Variants in RFX3 observed in about 807,000 individuals in gnomAD.
RFX3 encodes the protein transcription factor RFX3.
Under a neutral mutation model 98.6 loss-of-function variants are expected in RFX3, and 14 were observed. That is an observed-to-expected ratio of 0.14 (90% confidence interval 0.09 to 0.22). RFX3 has a LOEUF of 0.22. Ranked by LOEUF, RFX3 falls within the 10% of genes least tolerant of loss-of-function variation. The pLI is 1.00. For missense variants in RFX3, 639 were observed against 926.9 expected, an observed-to-expected ratio of 0.69 and a Z score of 4.03; for synonymous variants, 383 against 328.4, an observed-to-expected ratio of 1.17 and a Z score of -1.80.
chr9:3,352,646 C>T (rs1009424654), intron 2 of RFX3, among the ~76,000 whole-genome samples: 2 of 151,956 alleles, frequency 1.3e-5, no homozygotes, highest in Non-Finnish European at 2.9e-5. Flanking sequence ...ACGGGAAATG[C>T]CCTGCCACAT....
intron 15 of RFX3, among the ~76,000 whole-genome samples, chr9:3,245,264 T>C (rs1820509636): frequency 6.6e-6 from 1 of 152,128 alleles, no homozygotes; most frequent in Non-Finnish European, 1.5e-5. Flanking sequence ...AGAATGGGCA[T>C]GGGGAGATGG....
At chr9:3,423,778 C>CATATACATATAT (rs1491553405) in intron 1 of RFX3, among the ~76,000 whole-genome samples, 4 of 111,056 alleles carry the variant, frequency 3.6e-5, no homozygotes, top group African/African-American at 1.3e-4. Flanking sequence ...TATATATTTT[C>CATATACATATAT]ATATATATAT....
intron 4 of RFX3, among the ~76,000 whole-genome samples, chr9:3,325,802 A>C (rs1831844707): frequency 6.6e-6 from 1 of 152,162 alleles, no homozygotes; most frequent in Admixed American, 6.5e-5. Flanking sequence ...TTCAGGTTCC[A>C]AAACTCTAAA....
chr9:3,473,299 A>C (rs1848945921), intron 1 of RFX3, among the ~76,000 whole-genome samples: 1 of 152,196 alleles, frequency 6.6e-6, no homozygotes, highest in South Asian at 2.1e-4. Flanking sequence ...TTGGTGTCAT[A>C]ATAACAGGCA....
At chr9:3,424,239 G>T (rs1843739516) in intron 1 of RFX3, among the ~76,000 whole-genome samples, 1 of 149,816 alleles carries the variant, frequency 6.7e-6, no homozygotes, top group African/African-American at 2.5e-5. Flanking sequence ...TCACCTCAAT[G>T]AGAAAAAAAT....
chr9:3,408,610 T>TCA (rs1467668848), intron 1 of RFX3, among the ~76,000 whole-genome samples: 24 of 150,606 alleles, frequency 1.6e-4, no homozygotes, highest in African/African-American at 5.4e-4. Flanking sequence ...TCTCTCTCTC[T>TCA]CTCACACACA....
intron 5 of RFX3, among the ~76,000 whole-genome samples, chr9:3,298,388 A>G (rs577838394): frequency 9.9e-5 from 15 of 151,988 alleles, no homozygotes; most frequent in African/African-American, 3.6e-4. Context: ...AAACAATACA[A>G]TAAATGTACA....
At chr9:3,321,305 CACTG>C (rs978982251) in intron 4 of RFX3, among the ~76,000 whole-genome samples, 1 of 152,250 alleles carries the variant, frequency 6.6e-6, no homozygotes, top group South Asian at 2.1e-4. Context: ...CCCGGAAGCA[CACTG>C]ACTGAGTCAG....
chr9:3,451,137 T>G (rs906904455), intron 1 of RFX3, among the ~76,000 whole-genome samples: 1 of 152,134 alleles, frequency 6.6e-6, no homozygotes, highest in Non-Finnish European at 1.5e-5. Context: ...TAAAGAGATA[T>G]AGAAGTCAAC....
At chr9:3,458,163 G>A (rs1847362233) in intron 1 of RFX3, among the ~76,000 whole-genome samples, 1 of 152,098 alleles carries the variant, frequency 6.6e-6, no homozygotes, top group African/African-American at 2.4e-5. Context: ...TGCATGAAGT[G>A]TAATTCCAAG....
chr9:3,482,160 T>C (rs747136561), intron 1 of RFX3, among the ~76,000 whole-genome samples: 21 of 151,726 alleles, frequency 1.4e-4, no homozygotes, highest in Non-Finnish European at 2.8e-4. Context: ...GATACATACA[T>C]ACAATGCTAA....
intron 16 of RFX3, among the ~76,000 whole-genome samples, chr9:3,228,425 T>C (rs1818051209): frequency 6.6e-6 from 1 of 152,218 alleles, no homozygotes; most frequent in South Asian, 2.1e-4. Flanking sequence ...CACTGCTATC[T>C]CTGAGTTCTT....
At chr9:3,440,744 C>T (rs1845543059) in intron 1 of RFX3, among the ~76,000 whole-genome samples, 1 of 152,044 alleles carries the variant, frequency 6.6e-6, no homozygotes, top group African/African-American at 2.4e-5. Flanking sequence ...CTCTAAAATT[C>T]ATATGGAAAT....
At chr9:3,250,520 A>G (rs1023812064) in intron 14 of RFX3, among the ~76,000 whole-genome samples, 2 of 152,148 alleles carry the variant, frequency 1.3e-5, no homozygotes, top group East Asian at 1.9e-4. Context: ...ATAAATTCAT[A>G]AAACTTTTGT....
rs547656511 is a variant in RFX3 at position 3,369,185 on chromosome 9, T to C, written c.118-22421A>G. Among the ~76,000 whole-genome samples the C allele has an allele frequency of 2.6e-5, 4 of 152,322 alleles. No individual in the cohort carries two copies. In the South Asian group the frequency reaches 8.3e-4, roughly 32 times the overall value. ...TCTGCTACAGCAAAAACTGGGTAACTTACGAACAACAGAAATTTATTTCTC... is the reference window on the plus strand; with the variant it reads ...TCTGCTACAGCAAAAACTGGGTAACCTACGAACAACAGAAATTTATTTCTC... On this transcript the variant is annotated intron_variant, in intron 2 of 16. Coordinates refer to ENST00000617270, the MANE Select transcript of RFX3 (RefSeq NM_001282116.2).
chr9:3,352,917 A>C (rs1209720898), intron 2 of RFX3, among the ~76,000 whole-genome samples: 1 of 152,058 alleles, frequency 6.6e-6, no homozygotes, highest in African/African-American at 2.4e-5. Flanking sequence ...TTGCGGCACT[A>C]TTCACAATAG....
At chr9:3,365,602 ACTG>A (rs1453379481) in intron 2 of RFX3, among the ~76,000 whole-genome samples, 1 of 152,134 alleles carries the variant, frequency 6.6e-6, no homozygotes, top group Non-Finnish European at 1.5e-5. Context: ...TTTGAAGCAA[ACTG>A]CTAATATATT....
At position 3,293,170 on chromosome 9, in the gene RFX3, T is replaced by C; in HGVS notation, c.638A>G (p.Gln213Arg). ...ATTGACTGGGTCCAGTTTGTGTTCC[T>C]GACAGTGTCGAAGGTAGTGGTTGTA... ...TLYNHYLRHC[Q>R]EHKLDPVNAA... The change falls in exon 6 of 17, where the codon CAG becomes CGG. Residue 213 changes from glutamine to arginine, a missense_variant. Transcript: ENST00000617270. 6.2e-7 allele frequency: 1 copy of C among 1,613,620 alleles called. No homozygotes were observed. The highest frequency in any genetic ancestry group is 2.2e-5 in the East Asian group (1 of 44,822).
At chr9:3,327,557 T>C (rs1336958704) in intron 4 of RFX3, among the ~76,000 whole-genome samples, 5 of 151,652 alleles carry the variant, frequency 3.3e-5, no homozygotes, top group African/African-American at 9.7e-5. Flanking sequence ...AAAAGTTACT[T>C]TTTTTTTAAT....
Sources: gnomAD v4.1 joint callset for allele counts (sites outside exome capture counted in the v4.1 genomes callset) on GRCh38, gnomAD v4.1.1 for gene constraint, MANE v1.5 for transcripts, NCBI Gene and HGNC (gene_info 2026-07-23, HGNC 2026-07-21) for gene names.